COL2A1: variants seen among roughly 807,000 people sequenced by gnomAD.
COL2A1 encodes the protein collagen type II alpha 1 chain.
Under a neutral mutation model 204.5 loss-of-function variants are expected in COL2A1, and 28 were observed. The observed-to-expected ratio is 0.14, with a 90% CI of 0.10 to 0.19. The LOEUF is 0.19. COL2A1 is among the 10% of genes least tolerant of loss of function. The pLI is 1.00. For synonymous variants in COL2A1, 708 were observed against 718.7 expected, an observed-to-expected ratio of 0.99 and a Z score of 0.24; for missense variants, 1,388 against 2,027.5, an observed-to-expected ratio of 0.68 and a Z score of 6.06.
In COL2A1 at chr12:47,997,894, C is replaced by G. The variant is rs1313979826; in HGVS notation, c.406G>C (p.Asp136His). 6.2e-7 allele frequency: 1 copy of G among 1,614,028 alleles called. No homozygotes were observed. Among genetic ancestry groups the G allele is most frequent in the Non-Finnish European group, 8.5e-7 (1 of 1,180,048 alleles). Residue 136 changes from aspartate (D) to histidine (H), a missense_variant, in exon 6 of 54, where the codon GAT (aspartate) becomes CAT (histidine). Physicochemically the swap from Asp to His is moderately conservative, Grantham distance 81. Around this residue, in one of 3 missense-constraint regions of COL2A1, gnomAD observed 201 missense variants for 242.4 expected, o/e 0.83. Transcript: ENST00000380518. ...ACTTTTTCACCTTTGTCACCACGAT[C>G]CCCTCTGGGTCCTTGTTCCCCTGCA... ...GPAGEQGPRG[D>H]RGDKGEKGAP...
In COL2A1 at chr12:47,982,499, T is replaced by A; in HGVS notation, c.2301+3A>T. The A allele has an allele frequency of 6.2e-7, 1 of 1,611,180 alleles. No individual in the cohort carries two copies. Among genetic ancestry groups the A allele is most frequent in the Non-Finnish European group, 8.5e-7 (1 of 1,177,540 alleles). On this transcript the variant is annotated splice_donor_region_variant and intron_variant, in intron 34 of 53. Coordinates refer to ENST00000380518, the MANE Select transcript of COL2A1 (RefSeq NM_001844.5). ...GGTGAGAGGCTGTAACCTCAGTACTTACCCTGTCGCCTTTGGGCCCAGCGA... is the reference window on the plus strand; with the variant it reads ...GGTGAGAGGCTGTAACCTCAGTACTAACCCTGTCGCCTTTGGGCCCAGCGA...
In COL2A1 at chr12:47,981,832, G is replaced by A. The variant is rs1226138353; in HGVS notation, c.2356-3C>T. ...GGGCCAATGGGACCTGTCAGGCCCT[G>A]CGGGGAGAGCAGGTAGAGGTGAGGG... On this transcript the variant is annotated splice_region_variant and splice_polypyrimidine_tract_variant and intron_variant, in intron 35 of 53. Coordinates refer to ENST00000380518, the MANE Select transcript of COL2A1 (RefSeq NM_001844.5). 6.4e-7 allele frequency: 1 copy of A among 1,553,916 alleles called. No individual in the cohort carries two copies. Among genetic ancestry groups the A allele is most frequent in the Admixed American group, 1.9e-5 (1 of 51,290 alleles).
intron 2 of COL2A1, 97 bp downstream of exon 2, chr12:47,999,822 C>T (rs1940147668): frequency 4.7e-6 from 5 of 1,067,370 alleles, no homozygotes; most frequent in Non-Finnish European, 7.2e-6. Context: ...ATAACTAGCC[C>T]CTCTGCTTTG....
At chr12:47,974,011 G>A in intron 53 of COL2A1, 78 bp downstream of exon 53, 1 of 1,608,230 alleles carries the variant, frequency 6.2e-7, no homozygotes, top group East Asian at 2.2e-5. Flanking sequence ...GGACCTGACA[G>A]CTGCCGCGGG....
intron 7 of COL2A1, 134 bp downstream of exon 7, chr12:47,997,472 A>T: frequency 6.6e-7 from 1 of 1,510,060 alleles, no homozygotes; most frequent in Non-Finnish European, 9.2e-7. Context: ...TACAGGCCTG[A>T]GGGCAAAGCC....
At chr12:47,986,245 A>G in intron 23 of COL2A1, 91 bp downstream of exon 23, 1 of 919,834 alleles carries the variant, frequency 1.1e-6, no homozygotes, top group Non-Finnish European at 1.8e-6. Context: ...CGGAAAAGTC[A>G]CGAGACTTGA....
rs1000815520 is a variant in COL2A1 at position 47,987,588 on chromosome 12, G to A, written c.1221+23C>T. The A allele has an allele frequency of 4.5e-5, 72 of 1,595,634 alleles. No individual in the cohort carries two copies. Among genetic ancestry groups the A allele is most frequent in the Non-Finnish European group, 5.7e-5 (66 of 1,167,014 alleles). The stretch of plus-strand genomic sequence containing the variant: ...AAGCCACAGACCCCAGACCCCCCCA[G>A]GCCAAAGAGAAGCTGCACTTACGGA... On this transcript the variant is annotated intron_variant, in intron 19 of 53. Transcript: ENST00000380518. The surrounding 1 kb of genome is among the most constrained non-coding windows in gnomAD (Gnocchi z 4.1).
chr12:47,997,971 C>T (rs1940041410), intron 5 of COL2A1, 47 bp from the exon 6 acceptor site: 1 of 1,614,034 alleles, frequency 6.2e-7, no homozygotes, highest in South Asian at 1.1e-5. Flanking sequence ...CAGGAGCCTG[C>T]AGATCAGTAA....
At chr12:47,983,274 A>T in intron 31 of COL2A1, 111 bp downstream of exon 31, 1 of 1,474,980 alleles carries the variant, frequency 6.8e-7, no homozygotes, top group Non-Finnish European at 9.4e-7. Flanking sequence ...TGGGTCCAGG[A>T]CATTCCCAGG....
At chr12:48,004,112 C>T (rs1425112571) in intron 1 of COL2A1, 125 bp downstream of exon 1, 9 of 726,526 alleles carry the variant, frequency 1.2e-5, no homozygotes, top group Non-Finnish European at 2.2e-5. Flanking sequence ...TAAGTCGGCG[C>T]GCTACGACCC....
chr12:48,004,358 G>C lies in COL2A1; in HGVS notation c.-37C>G. 1 of 1,363,010 alleles carries C rather than the reference G, an allele frequency of 7.3e-7. No individual in the cohort carries two copies. Among genetic ancestry groups the C allele is most frequent in the Non-Finnish European group, 1.0e-6 (1 of 979,670 alleles). 84.4% of individuals were successfully genotyped at this position (1,363,010 alleles called of 1,614,324 possible). A position where few individuals can be genotyped will look rare whatever the true frequency, so the allele number is the denominator to read the frequency against. ...GGGCCTGGCTGAGCCGGGCCCGGGCGGAGCGCAGCGAAACGGCAGGAGCAC... is the reference window on the plus strand; with the variant it reads ...GGGCCTGGCTGAGCCGGGCCCGGGCCGAGCGCAGCGAAACGGCAGGAGCAC... On this transcript the variant is annotated 5_prime_UTR_variant, in exon 1 of 54. Transcript: ENST00000380518.
chr12:47,980,144 C>T lies in COL2A1; in HGVS notation c.2626-82G>A, dbSNP rs1938968017. On this transcript the variant is annotated intron_variant, in intron 39 of 53. Transcript: ENST00000380518. The surrounding 1 kb of genome is among the most constrained non-coding windows in gnomAD (Gnocchi z 4.5). ...TCTGTCTGAGCCCCAACAATGGACC[C>T]CTGAGGTTTTCGAAGATGCAGCTTT... 1 of 1,301,264 alleles carries T rather than the reference C, an allele frequency of 7.7e-7. No individual in the cohort carries two copies. Among genetic ancestry groups the T allele is most frequent in the Non-Finnish European group, 1.1e-6 (1 of 920,952 alleles). The allele number at this position is 1,301,264 out of a possible 1,614,324, so 80.6% of individuals were successfully genotyped here.
In COL2A1 at chr12:47,976,379, G is replaced by T; in HGVS notation, c.3489+135C>A. On this transcript the variant is annotated intron_variant, in intron 49 of 53. Transcript: ENST00000380518. The surrounding 1 kb of genome is among the most constrained non-coding windows in gnomAD (Gnocchi z 4.3). ...TTTCTGGCCATAGGCACATGAGCCA[G>T]TCCTGCCCCCATTACTGAGTGAGGA... The T allele has an allele frequency of 9.9e-7, 1 of 1,006,614 alleles. No homozygotes were observed. Among genetic ancestry groups the T allele is most frequent in the Non-Finnish European group, 1.6e-6 (1 of 641,412 alleles). 62.4% of individuals were successfully genotyped at this position (1,006,614 alleles called of 1,614,324 possible).
intron 23 of COL2A1, 108 bp from the exon 24 acceptor site, chr12:47,986,073 T>A: frequency 9.3e-7 from 1 of 1,079,876 alleles, no homozygotes; most frequent in Non-Finnish European, 1.4e-6. Context: ...TGGGGAGCAG[T>A]AGCTGTGGCC....
Position 47,974,724 on chromosome 12 carries a change from T to C in COL2A1, c.4025A>G (p.Lys1342Arg). 6.2e-7 allele frequency: 1 copy of C among 1,614,234 alleles called. No homozygotes were observed. The highest frequency in any genetic ancestry group is 8.5e-7 in the Non-Finnish European group (1 of 1,180,036). ...PKKNWWSSKS[K>R]EKKHIWFGET... ...TCCAAACCAGATGTGTTTCTTCTCCTTGCTCTTGCTGCTCCACCAGTTCTT... is the reference window on the plus strand; with the variant it reads ...TCCAAACCAGATGTGTTTCTTCTCCCTGCTCTTGCTGCTCCACCAGTTCTT... The change falls in exon 52 of 54, where the codon AAG becomes AGG. Residue 1342 changes from lysine to arginine, a missense_variant. By Grantham distance (26) the Lys-to-Arg change is conservative. This residue lies in a region of COL2A1 where 303 missense variants were observed against 369.2 expected (regional missense o/e 0.82). Coordinates refer to ENST00000380518, the MANE Select transcript of COL2A1 (RefSeq NM_001844.5).
chr12:47,981,509 CT>C (rs1263705730), intron 36 of COL2A1, 113 bp from the exon 37 acceptor site: 8 of 991,592 alleles, frequency 8.1e-6, no homozygotes, highest in African/African-American at 3.2e-5. Flanking sequence ...CCAGGTCCCC[CT>C]GGCACAGCCT....
At chr12:47,982,691 C>A (rs74586113) in intron 33 of COL2A1, 82 bp from the exon 34 acceptor site, 14,205 of 1,268,254 alleles carry the variant, frequency 0.011, 634 homozygotes, top group South Asian at 0.1. Context: ...GTAACCAGGG[C>A]CCCAAACCCC....
At chr12:47,973,850 C>T (rs149456108) in intron 53 of COL2A1, among the ~76,000 whole-genome samples, 1 of 152,290 alleles carries the variant, frequency 6.6e-6, no homozygotes, top group Non-Finnish European at 1.5e-5. Flanking sequence ...AACACTTCTA[C>T]AGTAGTCACT....
chr12:47,979,892 G>A (rs1938945589), intron 40 of COL2A1, 117 bp downstream of exon 40: 1 of 957,292 alleles, frequency 1.0e-6, no homozygotes, highest in African/African-American at 1.7e-5. Flanking sequence ...TTAGGCTGGG[G>A]ACCAACGCAG....
Sources: allele counts gnomAD v4.1 joint callset (sites outside exome capture counted in the v4.1 genomes callset), GRCh38; gene constraint gnomAD v4.1.1; regional missense constraint gnomAD v4.1.1; non-coding constraint Gnocchi (gnomAD v3.1); transcripts MANE v1.5; gene names NCBI Gene and HGNC (gene_info 2026-07-23, HGNC 2026-07-21).